CFAP92: variants seen among roughly 807,000 people sequenced by gnomAD.
CFAP92 encodes the protein uncharacterized protein CFAP92.
Under a neutral mutation model 106.3 loss-of-function variants are expected in CFAP92, and 86 were observed. That is an observed-to-expected ratio of 0.81 (90% CI 0.68 to 0.97). The LOEUF (loss-of-function observed/expected upper bound fraction) is 0.97, where lower values mean the gene tolerates loss of function less well. CFAP92 is among the 50% of genes least tolerant of loss of function. The pLI, the probability that CFAP92 is intolerant of heterozygous loss-of-function variation, is 0.00. For synonymous variants in CFAP92, 477 were observed against 506.4 expected (o/e 0.94, Z 0.78); for missense variants, 1,204 against 1,283.8 (o/e 0.94, Z 0.95).
In CFAP92 at chr3:128,993,696, G is replaced by A. The variant is rs559361827; in HGVS notation, c.-33+284C>T. ...ACGTCTGCTCAGGCAGGCCTGCTGC[G>A]CCTAAGCACAAGATGCGTTTGCTAT... On this transcript the variant is annotated intron_variant, in intron 1 of 15. Coordinates refer to ENST00000645291, the MANE Select transcript of CFAP92 (RefSeq NM_001394090.1). 4 of 314,700 alleles carry A rather than the reference G, an allele frequency of 1.3e-5. No homozygotes were observed. In the East Asian group the frequency reaches 2.4e-4, roughly 19 times the overall value. The allele number at this position is 314,700 out of a possible 1,614,324, so 19.5% of individuals were successfully genotyped here. A position where few individuals can be genotyped will look rare whatever the true frequency, so the allele number is the denominator to read the frequency against.
At chr3:128,998,247 C>T (rs1241925855), upstream of CFAP92, among the ~76,000 whole-genome samples, 2 of 152,108 alleles carry the variant, frequency 1.3e-5, no homozygotes, top group African/African-American at 4.8e-5. Flanking sequence ...GTCTCTTGTT[C>T]GTCATATTTT....
At chr3:128,962,687 A>AATAT (rs1942035639) in intron 9 of CFAP92, among the ~76,000 whole-genome samples, 1 of 152,150 alleles carries the variant, frequency 6.6e-6, no homozygotes, top group African/African-American at 2.4e-5. Flanking sequence ...GCTCAATGCC[A>AATAT]ATATCCTATC....
At chr3:129,001,254 G>T (rs911790971) in intron 1 of CFAP92, among the ~76,000 whole-genome samples, 2 of 152,096 alleles carry the variant, frequency 1.3e-5, no homozygotes, top group African/African-American at 4.8e-5. Context: ...GGGCGGGGCG[G>T]AGGGAGGAGG....
At chr3:128,939,872 A>C (rs2933344) in intron 10 of CFAP92, among the ~76,000 whole-genome samples, 1 of 152,050 alleles carries the variant, frequency 6.6e-6, no homozygotes, top group African/African-American at 2.4e-5. Flanking sequence ...ATCTAATGCC[A>C]CTGCTGATCT....
the CFAP92 span, among the ~76,000 whole-genome samples, chr3:129,008,240 A>T: frequency 6.6e-6 from 1 of 152,260 alleles, no homozygotes; most frequent in Non-Finnish European, 1.5e-5. Flanking sequence ...ATTTTTGTTC[A>T]TGGATAAGAC....
At chr3:128,933,436 A>C (rs1317898762) in intron 11 of CFAP92, among the ~76,000 whole-genome samples, 9 of 152,236 alleles carry the variant, frequency 5.9e-5, no homozygotes. Context: ...GCAAAGCTCA[A>C]GGACCTCCCC....
chr3:128,991,203 G>T (rs900889260), intron 2 of CFAP92, among the ~76,000 whole-genome samples: 3 of 152,174 alleles, frequency 2.0e-5, no homozygotes, highest in African/African-American at 7.2e-5. Flanking sequence ...CTTTTGGTTG[G>T]TATTTGCCAG....
chr3:129,002,363 G>C (rs986682985), intron 1 of CFAP92: 2 of 1,490,948 alleles, frequency 1.3e-6, no homozygotes, highest in African/African-American at 2.9e-5. Context: ...TAACGCCCGG[G>C]AGAGGGCTCG....
chr3:128,952,813 C>A (rs903633018), intron 9 of CFAP92, among the ~76,000 whole-genome samples: 1 of 152,002 alleles, frequency 6.6e-6, no homozygotes, highest in South Asian at 2.1e-4. Context: ...AGGCCGGGTG[C>A]GGTGGCTCAC....
chr3:128,994,441 C>T (rs1944403695), upstream of CFAP92, among the ~76,000 whole-genome samples: 1 of 152,172 alleles, frequency 6.6e-6, no homozygotes, highest in Admixed American at 6.5e-5. Context: ...GCTCTGCAAA[C>T]TCCAGACCTC....
At chr3:128,923,930 C>G (rs548914257) in intron 12 of CFAP92, among the ~76,000 whole-genome samples, 2 of 152,178 alleles carry the variant, frequency 1.3e-5, no homozygotes, top group African/African-American at 2.4e-5. Flanking sequence ...AATGGGTTGT[C>G]CACAATCAAT....
At chr3:129,002,430 C>T (rs1944834994) in intron 1 of CFAP92, 1 of 1,417,542 alleles carries the variant, frequency 7.1e-7, no homozygotes, top group Non-Finnish European at 9.2e-7. Flanking sequence ...GAAGGGGAGA[C>T]AGAGGGCAGC....
At chr3:128,918,781 TAAAA>T (rs553484865) in intron 12 of CFAP92, among the ~76,000 whole-genome samples, 6 of 152,132 alleles carry the variant, frequency 3.9e-5, no homozygotes, top group African/African-American at 1.4e-4. Context: ...ATAACCACCT[TAAAA>T]AGAAAGATAG....
intron 10 of CFAP92, among the ~76,000 whole-genome samples, chr3:128,938,466 G>A (rs2054416776): frequency 6.7e-6 from 1 of 148,932 alleles, no homozygotes; most frequent in African/African-American, 2.5e-5. Flanking sequence ...CCAGAAACAA[G>A]GCAAGTGTGT....
At chr3:129,011,707 G>A in the CFAP92 span, among the ~76,000 whole-genome samples, 1 of 152,056 alleles carries the variant, frequency 6.6e-6, no homozygotes, top group African/African-American at 2.4e-5. Context: ...GCTGATCAGT[G>A]GTGTCCCCAG....
Position 128,945,646 on chromosome 3 carries a change from G to A in CFAP92, c.1683C>T (p.Tyr561=). 6.5e-7 allele frequency: 1 copy of A among 1,536,144 alleles called. No individual in the cohort carries two copies. Among genetic ancestry groups the A allele is most frequent in the Non-Finnish European group, 8.7e-7 (1 of 1,146,922 alleles). ...AACTGACCTGGGCGATGCCATAAGG[G>A]TACCACATCTTGTTCTGGGACTCAA... The part of the protein sequence containing the change: ...NPFESQNKMW[Y]PYGIAQVSFA... Residue 561 remains tyrosine, a synonymous_variant, in exon 10 of 16, where the codon TAC becomes TAT. Coordinates refer to ENST00000645291, the MANE Select transcript of CFAP92 (RefSeq NM_001394090.1).
intron 12 of CFAP92, among the ~76,000 whole-genome samples, chr3:128,920,797 G>A (rs150767937): frequency 1.1e-4 from 16 of 152,330 alleles, no homozygotes; most frequent in African/African-American, 2.2e-4. Flanking sequence ...AGGGAACAGC[G>A]CATAAAACCC....
upstream of CFAP92, chr3:129,003,950 G>A: frequency 7.1e-7 from 1 of 1,417,460 alleles, no homozygotes; most frequent in African/African-American, 1.5e-5. Flanking sequence ...GCGGCGGCGC[G>A]CGGAGGAGGC....
upstream of CFAP92, chr3:129,003,263 CG>C (rs1392647439): frequency 4.1e-6 from 4 of 985,258 alleles, no homozygotes; most frequent in Admixed American, 1.8e-4. Context: ...TGCGCCTGAA[CG>C]GTCTTCCGGC....
Sources: gnomAD v4.1 joint callset for allele counts (sites outside exome capture counted in the v4.1 genomes callset) on GRCh38, gnomAD v4.1.1 for gene constraint, MANE v1.5 for transcripts, NCBI Gene and HGNC (gene_info 2026-07-23, HGNC 2026-07-21) for gene names.